The following GNAL variants were observed in gnomAD, a reference collection of about 807,000 sequenced individuals.
The protein encoded by GNAL is guanine nucleotide-binding protein G(olf) subunit alpha.
GNAL carries 18 observed loss-of-function variants against 55.1 expected under a neutral mutation model. That is an observed-to-expected ratio of 0.33 (90% confidence interval 0.23 to 0.48). GNAL has a LOEUF of 0.48. Ranked by LOEUF, GNAL falls within the 20% of genes least tolerant of loss-of-function variation. The pLI, the probability that GNAL is intolerant of heterozygous loss-of-function variation, is 0.99. For missense variants in GNAL, 412 were observed against 614.1 expected (o/e 0.67, Z 3.48); for synonymous variants, 253 against 237.0 (o/e 1.07, Z -0.62).
intron 1 of GNAL, 47 bp downstream of exon 1, chr18:11,689,986 C>G: frequency 9.0e-7 from 1 of 1,109,778 alleles, no homozygotes; most frequent in Non-Finnish European, 1.1e-6. Flanking sequence ...GACAGCGCGC[C>G]GGGCCCGCGG....
At position 11,868,508 on chromosome 18, in the gene GNAL, C is replaced by G; in HGVS notation, c.911-35C>G. On this transcript the variant is annotated intron_variant, in intron 8 of 11. Coordinates refer to ENST00000334049, the MANE Select transcript of GNAL (RefSeq NM_182978.4). This position sits in a 1 kb window ranked among gnomAD's most constrained non-coding sequence, Gnocchi z 4.0. ...TCTTGTAACTCCACAGTGAGGATGT[C>G]TAACTGAGGTGCTTTCCTTTTTCTC... 6.3e-7 allele frequency: 1 copy of G among 1,587,376 alleles called. No individual in the cohort carries two copies. Among genetic ancestry groups the G allele is most frequent in the Non-Finnish European group, 8.6e-7 (1 of 1,165,244 alleles).
At chr18:11,768,750 C>T (rs1439329174) in intron 4 of GNAL, among the ~76,000 whole-genome samples, 2 of 146,994 alleles carry the variant, frequency 1.4e-5, no homozygotes, top group African/African-American at 5.0e-5. Context: ...AAAAATTAGC[C>T]AGGCCTGGTG....
intron 4 of GNAL, among the ~76,000 whole-genome samples, chr18:11,790,201 CTT>C (rs1401898273): frequency 1.3e-5 from 2 of 152,104 alleles, no homozygotes; most frequent in Non-Finnish European, 2.9e-5. Context: ...TGAGAGCTAT[CTT>C]TTGTGCAAGT....
At chr18:11,817,680 C>T (rs2034991756) in intron 4 of GNAL, among the ~76,000 whole-genome samples, 1 of 152,066 alleles carries the variant, frequency 6.6e-6, no homozygotes, top group Admixed American at 6.6e-5. Flanking sequence ...ACCTCCACCT[C>T]CCAGGTTCCA....
At chr18:11,848,521 AT>A (rs1398305634) in intron 5 of GNAL, among the ~76,000 whole-genome samples, 5 of 146,788 alleles carry the variant, frequency 3.4e-5, no homozygotes, top group African/African-American at 5.1e-5. Context: ...CACTGGCGTG[AT>A]CTCAGCTCAC....
intron 1 of GNAL, among the ~76,000 whole-genome samples, chr18:11,728,768 G>A (rs1375239188): frequency 6.6e-6 from 1 of 152,102 alleles, no homozygotes; most frequent in Non-Finnish European, 1.5e-5. Context: ...CTACATCTCT[G>A]TAAGAAAATG....
intron 4 of GNAL, among the ~76,000 whole-genome samples, chr18:11,822,831 T>C (rs1419000573): frequency 2.1e-5 from 3 of 144,498 alleles, no homozygotes; most frequent in African/African-American, 8.0e-5. Flanking sequence ...TTTTTTTTTT[T>C]TTTTTTTTGA....
intron 5 of GNAL, among the ~76,000 whole-genome samples, chr18:11,831,830 G>A (rs1484327658): frequency 1.3e-5 from 2 of 152,220 alleles, no homozygotes; most frequent in Non-Finnish European, 2.9e-5. Flanking sequence ...GGCCATTTGT[G>A]TGTCCCTGAG....
chr18:11,748,618 C>G (rs1177392515), intron 1 of GNAL, among the ~76,000 whole-genome samples: 1 of 152,094 alleles, frequency 6.6e-6, no homozygotes, highest in Non-Finnish European at 1.5e-5. Context: ...AAGTGGAAAT[C>G]TTTTGCTATA....
At chr18:11,777,731 G>C (rs1008804973) in intron 4 of GNAL, among the ~76,000 whole-genome samples, 5 of 152,316 alleles carry the variant, frequency 3.3e-5, no homozygotes, top group Admixed American at 3.3e-4. Context: ...TATGTTAAAA[G>C]TTGTTTGGAA....
At chr18:11,857,125 C>T (rs1180066579) in intron 5 of GNAL, 1 of 147,594 alleles carries the variant, frequency 6.8e-6, no homozygotes, top group Non-Finnish European at 1.5e-5. Flanking sequence ...CAAGGCGTAC[C>T]CAGATGTTAA....
intron 4 of GNAL, among the ~76,000 whole-genome samples, chr18:11,780,344 T>C (rs2033894128): frequency 6.6e-6 from 1 of 151,510 alleles, no homozygotes; most frequent in Admixed American, 6.6e-5. Flanking sequence ...GGAGCAAATA[T>C]CCAAGTTTGT....
intron 5 of GNAL, among the ~76,000 whole-genome samples, chr18:11,861,172 C>T (rs574940268): frequency 2.3e-4 from 35 of 152,284 alleles, no homozygotes; most frequent in Non-Finnish European, 4.6e-4. Flanking sequence ...GCCTCCAGGC[C>T]GTCCATCCTC....
chr18:11,737,180 C>A (rs571296144), intron 1 of GNAL, among the ~76,000 whole-genome samples: 1 of 152,062 alleles, frequency 6.6e-6, no homozygotes, highest in Non-Finnish European at 1.5e-5. Context: ...CAATCACATG[C>A]GGGTAAGTGG....
chr18:11,831,411 C>A lies in GNAL; in HGVS notation c.722+6396C>A, dbSNP rs116080313. 1.1e-4 allele frequency among the ~76,000 whole-genome samples: 16 copies of A among 152,256 alleles called. No individual in the cohort carries two copies. The East Asian group carries it at 3.1e-3, about 29-fold the overall frequency. ...CCCACCGAAAGTACATGCCCCCACACACTCTCTCCAAGCCTGCAAATATGT... is the reference window on the plus strand; with the variant it reads ...CCCACCGAAAGTACATGCCCCCACAAACTCTCTCCAAGCCTGCAAATATGT... On this transcript the variant is annotated intron_variant, in intron 5 of 11. Coordinates refer to ENST00000334049, the MANE Select transcript of GNAL (RefSeq NM_182978.4).
At chr18:11,724,925 G>A (rs1299987605) in intron 1 of GNAL, among the ~76,000 whole-genome samples, 1 of 152,168 alleles carries the variant, frequency 6.6e-6, no homozygotes, top group Non-Finnish European at 1.5e-5. Context: ...TGCTTGTCGG[G>A]GCCTGCCAAA....
chr18:11,762,948 T>C (rs1335313873), intron 4 of GNAL, among the ~76,000 whole-genome samples: 1 of 152,238 alleles, frequency 6.6e-6, no homozygotes, highest in African/African-American at 2.4e-5. Context: ...GAATAAGTAT[T>C]GTATTATTCT....
chr18:11,813,174 G>C (rs2034862289), intron 4 of GNAL, among the ~76,000 whole-genome samples: 2 of 151,302 alleles, frequency 1.3e-5, no homozygotes, highest in Admixed American at 1.3e-4. Flanking sequence ...AGAATTGGTG[G>C]AACCCGGGAG....
intron 4 of GNAL, among the ~76,000 whole-genome samples, chr18:11,771,707 A>G (rs1648664322): frequency 6.6e-6 from 1 of 151,848 alleles, no homozygotes; most frequent in South Asian, 2.1e-4. Flanking sequence ...CCCTGTGTGC[A>G]AATTTTTTTG....
Sources: gnomAD v4.1 joint callset for allele counts (sites outside exome capture counted in the v4.1 genomes callset) on GRCh38, gnomAD v4.1.1 for gene constraint, Gnocchi (gnomAD v3.1) non-coding constraint, MANE v1.5 for transcripts, NCBI Gene and HGNC (gene_info 2026-07-23, HGNC 2026-07-21) for gene names.